The following GRAMD1B variants were observed in gnomAD, a reference collection of about 807,000 sequenced individuals.
The protein encoded by GRAMD1B is protein Aster-B.
GRAMD1B carries 37 observed loss-of-function variants against 99.7 expected under a neutral mutation model. That is an observed-to-expected ratio of 0.37 (90% confidence interval 0.29 to 0.49). GRAMD1B has a LOEUF of 0.49. Ranked by LOEUF, GRAMD1B falls within the 20% of genes least tolerant of loss-of-function variation. GRAMD1B has a pLI of 0.98. For missense variants in GRAMD1B, 888 were observed against 1,009.2 expected (o/e 0.88, Z 1.63); for synonymous variants, 427 against 387.6 (o/e 1.10, Z -1.19).
chr11:123,380,551 C>T lies in GRAMD1B; in HGVS notation c.-176+21752C>T, dbSNP rs144048568. Among the ~76,000 whole-genome samples the T allele has an allele frequency of 1.9e-4, 29 of 152,326 alleles. No homozygotes were observed. In the East Asian group the frequency reaches 2.7e-3, roughly 14 times the overall value. ...GACTTTATTATGACTTTCATTAAGGCTTGGGTTTCGAGGTGTTCAAACCTG... is the reference window on the plus strand; with the variant it reads ...GACTTTATTATGACTTTCATTAAGGTTTGGGTTTCGAGGTGTTCAAACCTG... On this transcript the variant is annotated intron_variant, in intron 1 of 20. Coordinates refer to the GRAMD1B transcript ENST00000638157.
intron 1 of GRAMD1B, among the ~76,000 whole-genome samples, chr11:123,412,282 T>C (rs1192380858): frequency 6.6e-6 from 1 of 152,274 alleles, no homozygotes; most frequent in African/African-American, 2.4e-5. Context: ...CATTTTCTCT[T>C]GCAGAATAAA....
chr11:123,610,278 A>C lies in GRAMD1B; in HGVS notation c.1859A>C (p.Tyr620Ser). ...ACCCACGACGTGCCCTACCATGACT[A>C]CTTCTACACAATCAATCGCTACACG... ...VLTHDVPYHD[Y>S]FYTINRYTLT... is the part of the protein sequence containing the mutation. Residue 620 changes from tyrosine (Y) to serine (S), a missense_variant, in exon 14 of 20, where the codon TAC becomes TCC. Physicochemically the swap from Tyr to Ser is moderately radical, Grantham distance 144 (BLOSUM62 -2). Transcript: ENST00000635736. This position sits in a 1 kb window ranked among gnomAD's most constrained non-coding sequence, Gnocchi z 4.1. 6.2e-7 allele frequency: 1 copy of C among 1,613,840 alleles called. No individual in the cohort carries two copies. The highest frequency in any genetic ancestry group is 8.5e-7 in the Non-Finnish European group (1 of 1,179,786).
chr11:123,453,465 C>T (rs925627503), intron 1 of GRAMD1B, among the ~76,000 whole-genome samples: 13 of 152,128 alleles, frequency 8.5e-5, no homozygotes, highest in African/African-American at 1.9e-4. Flanking sequence ...TACAGGCACG[C>T]GCCACCACAC....
intron 1 of GRAMD1B, among the ~76,000 whole-genome samples, chr11:123,445,818 C>A (rs1351388332): frequency 0.012 from 1,094 of 93,506 alleles, no homozygotes; most frequent in East Asian, 0.019. Context: ...CACTTGTCTC[C>A]AAAAAAAAAA....
At chr11:123,561,938 T>C (rs1178784710) in intron 2 of GRAMD1B, among the ~76,000 whole-genome samples, 4 of 152,074 alleles carry the variant, frequency 2.6e-5, no homozygotes, top group Non-Finnish European at 4.4e-5. Context: ...CCCGTGAGGA[T>C]TGGGGGTGGG....
intron 1 of GRAMD1B, chr11:123,435,632 C>A: frequency 1.8e-6 from 1 of 543,038 alleles, no homozygotes; most frequent in Non-Finnish European, 3.3e-6. Flanking sequence ...CTGTACCTGA[C>A]CTCTTACAGT....
chr11:123,447,325 C>T (rs1260633399), intron 1 of GRAMD1B, among the ~76,000 whole-genome samples: 1 of 152,158 alleles, frequency 6.6e-6, no homozygotes, highest in Non-Finnish European at 1.5e-5. Flanking sequence ...ACTGAGAAGT[C>T]TAGGGCCATG....
At chr11:123,497,343 A>G (rs1480523975) in intron 2 of GRAMD1B, among the ~76,000 whole-genome samples, 2 of 152,170 alleles carry the variant, frequency 1.3e-5, no homozygotes, top group Admixed American at 6.5e-5. Context: ...CGCCACCACC[A>G]TGGGGACTGC....
At chr11:123,445,627 C>A (rs190190345) in intron 1 of GRAMD1B, among the ~76,000 whole-genome samples, 3 of 152,082 alleles carry the variant, frequency 2.0e-5, no homozygotes, top group Non-Finnish European at 2.9e-5. Flanking sequence ...ACCAGCCTGG[C>A]CAACATGGTG....
At chr11:123,548,343 C>CAT (rs1945272126) in intron 2 of GRAMD1B, among the ~76,000 whole-genome samples, 7 of 115,166 alleles carry the variant, frequency 6.1e-5, no homozygotes, top group African/African-American at 8.5e-5. Context: ...CACACACACA[C>CAT]ACACACATAT....
chr11:123,505,172 C>T (rs1257148554), intron 2 of GRAMD1B, among the ~76,000 whole-genome samples: 4 of 147,466 alleles, frequency 2.7e-5, no homozygotes, highest in Middle Eastern at 3.5e-3. Flanking sequence ...TCTCACCTCT[C>T]TCTTTCAATG....
chr11:123,565,149 C>G (rs1010146131), intron 2 of GRAMD1B, among the ~76,000 whole-genome samples: 1 of 152,046 alleles, frequency 6.6e-6, no homozygotes, highest in Non-Finnish European at 1.5e-5. Context: ...TCTTCCTGCC[C>G]CAACCCCTGA....
chr11:123,535,986 G>T (rs1943929202), intron 2 of GRAMD1B, among the ~76,000 whole-genome samples: 1 of 152,124 alleles, frequency 6.6e-6, no homozygotes, highest in East Asian at 1.9e-4. Context: ...ATAAATGGCT[G>T]CCCAGAACAC....
intron 2 of GRAMD1B, among the ~76,000 whole-genome samples, chr11:123,526,797 C>G (rs1942817184): frequency 6.6e-6 from 1 of 152,204 alleles, no homozygotes; most frequent in African/African-American, 2.4e-5. Context: ...TTAAAGGCAT[C>G]TCTCGCTTGG....
intron 1 of GRAMD1B, among the ~76,000 whole-genome samples, chr11:123,423,330 C>T (rs1948524427): frequency 6.6e-6 from 1 of 151,742 alleles, no homozygotes; most frequent in African/African-American, 2.4e-5. Context: ...CTTTCTTCTC[C>T]CCTCCACTCC....
chr11:123,411,021 T>G (rs1237740269), intron 1 of GRAMD1B, among the ~76,000 whole-genome samples: 4 of 152,104 alleles, frequency 2.6e-5, no homozygotes, highest in Non-Finnish European at 5.9e-5. Context: ...TTTTTTTTTT[T>G]TAAGACGGAG....
At chr11:123,411,134 A>G (rs1200114263) in intron 1 of GRAMD1B, among the ~76,000 whole-genome samples, 1 of 151,768 alleles carries the variant, frequency 6.6e-6, no homozygotes, top group Non-Finnish European at 1.5e-5. Flanking sequence ...CCTCCCGAGT[A>G]GCTGGGACTA....
chr11:123,465,771 A>G (rs1446309115), intron 1 of GRAMD1B, among the ~76,000 whole-genome samples: 1 of 118,014 alleles, frequency 8.5e-6, no homozygotes, highest in Non-Finnish European at 1.8e-5. Flanking sequence ...CTCCATCTCG[A>G]AAGAAAAAAA....
chr11:123,470,379 T>C (rs546693243), intron 1 of GRAMD1B, among the ~76,000 whole-genome samples: 1 of 152,156 alleles, frequency 6.6e-6, no homozygotes, highest in Non-Finnish European at 1.5e-5. Context: ...AAAATAGAGT[T>C]TCACCATGAT....
Sources: gnomAD v4.1 joint callset for allele counts (sites outside exome capture counted in the v4.1 genomes callset) on GRCh38, gnomAD v4.1.1 for gene constraint, Gnocchi (gnomAD v3.1) non-coding constraint, MANE v1.5 for transcripts, NCBI Gene and HGNC (gene_info 2026-07-23, HGNC 2026-07-21) for gene names.